A2M: variants seen among roughly 807,000 people sequenced by gnomAD.
A2M encodes the protein C3 and PZP-like alpha-2-macroglobulin domain-containing protein 5.
A neutral mutation model predicts 183.9 loss-of-function variants in A2M; 128 were observed. That is an observed-to-expected ratio of 0.70 (90% CI 0.60 to 0.81). The LOEUF is 0.81. Among genes scored for constraint, A2M ranks in the 30% least tolerant of loss-of-function variants. A2M has a pLI of 0.00. For missense variants in A2M, 1,495 were observed against 1,787.6 expected (o/e 0.84, Z 2.95); for synonymous variants, 592 against 670.8 (o/e 0.88, Z 1.81).
chr12:9,105,298 TAG>T (rs1233187118), intron 10 of A2M, among the ~76,000 whole-genome samples: 1 of 152,230 alleles, frequency 6.6e-6, no homozygotes, highest in Non-Finnish European at 1.5e-5. Context: ...TTCTTCTAGC[TAG>T]AGAGTCTTAT....
rs1329247747 is a variant in A2M at position 9,079,624 on chromosome 12, CA to C, written c.3031+14del. The C allele has an allele frequency of 6.2e-7, 1 of 1,606,532 alleles. No individual in the cohort carries two copies. Among genetic ancestry groups the C allele is most frequent in the Admixed American group, 1.7e-5 (1 of 58,772 alleles). On this transcript the variant is annotated intron_variant, in intron 24 of 35. Transcript: ENST00000318602. The stretch of plus-strand genomic sequence containing the variant: ...AATAACATTCAAGTTTTCCCTTACT[CA>C]AGTAATCACTCACCAGTGTTGAGAT...
chr12:9,110,179 A>G, intron 5 of A2M, 135 bp downstream of exon 5: 2 of 1,106,578 alleles, frequency 1.8e-6, no homozygotes, highest in East Asian at 2.5e-5. Context: ...AGTTATAGCC[A>G]TCTAGCTCTA....
Position 9,111,921 on chromosome 12 carries a change from C to G in A2M, c.483+238G>C, listed in dbSNP as rs752779882. 2.2e-5 allele frequency: 14 copies of G among 640,150 alleles called. No homozygotes were observed. In the African/African-American group the frequency reaches 2.5e-4, roughly 11 times the overall value. 39.7% of individuals were successfully genotyped at this position (640,150 alleles called of 1,614,324 possible). On this transcript the variant is annotated intron_variant, in intron 4 of 35. Coordinates refer to ENST00000318602, the MANE Select transcript of A2M (RefSeq NM_000014.6). Reference sequence around the variant, plus strand: ...CTAATTGTCCTAATTAAGAACCATCCGAAAAGTAAATTTAATTGTGTGACA... The same window carrying G: ...CTAATTGTCCTAATTAAGAACCATCGGAAAAGTAAATTTAATTGTGTGACA...
At chr12:9,116,026 A>G (rs1939095736), upstream of A2M, 9 of 661,366 alleles carry the variant, frequency 1.4e-5, no homozygotes, top group South Asian at 1.2e-4. Flanking sequence ...CATTCTCTGG[A>G]AAGGTCATTG....
intron 23 of A2M, 76 bp downstream of exon 23, chr12:9,080,018 G>T: frequency 9.6e-7 from 1 of 1,040,120 alleles, no homozygotes; most frequent in East Asian, 2.7e-5. Flanking sequence ...ATTATTTTTA[G>T]TAAATATTTA....
rs59647548 is a variant in A2M, at chr12:9,094,340, C to CATATATATAT, written c.2125+623_2125+632dup. ...CAGCTCTCTGGAAAAAAAAATTGTGCATATATATATATATATATATATATA... is the reference window on the plus strand; with the variant it reads ...CAGCTCTCTGGAAAAAAAAATTGTGCATATATATATATATATATATATATATATATATATA... On this transcript the variant is annotated intron_variant, in intron 17 of 35. Coordinates refer to ENST00000318602, the MANE Select transcript of A2M (RefSeq NM_000014.6). Among the ~76,000 whole-genome samples the CATATATATAT allele has an allele frequency of 2.9e-3, 282 of 97,006 alleles. 3 individuals carry two copies. Among genetic ancestry groups the CATATATATAT allele is most frequent in the East Asian group, 9.0e-3 (24 of 2,668 alleles). 63.6% of individuals were successfully genotyped at this position (97,006 alleles called of 152,430 possible).
chr12:9,090,258 A>G (rs1346677942), intron 20 of A2M, 98 bp downstream of exon 20: 147 of 1,564,692 alleles, frequency 9.4e-5, no homozygotes, highest in Non-Finnish European at 1.2e-4. Flanking sequence ...CGCAGCATCT[A>G]GTGGTCTTTT....
At chr12:9,115,569 G>A (rs1177703531) in intron 1 of A2M, 195 bp downstream of exon 1, 3 of 530,138 alleles carry the variant, frequency 5.7e-6, no homozygotes, top group Non-Finnish European at 1.0e-5. Flanking sequence ...TTGCATATTA[G>A]AGCTTCAGAG....
At chr12:9,096,006 G>A (rs1412671156) in intron 15 of A2M, among the ~76,000 whole-genome samples, 2 of 151,578 alleles carry the variant, frequency 1.3e-5, no homozygotes, top group South Asian at 2.1e-4. Flanking sequence ...TGATCCACCC[G>A]CCTCGGCCTC....
chr12:9,070,946 G>A (rs921660851), intron 31 of A2M, among the ~76,000 whole-genome samples: 4 of 151,942 alleles, frequency 2.6e-5, no homozygotes, highest in African/African-American at 7.3e-5. Flanking sequence ...TCAGCCTCCC[G>A]AGTAGCTGGG....
Position 9,090,392 on chromosome 12 carries a change from G to T in A2M, c.2560C>A (p.Gln854Lys). ...APHCICANGR[Q>K]TVSWAVTPKS... ...GGGGTTACTGCCCAGGACACAGTTT[G>T]CCGCCCGTTTGCACAGATGCAGTGA... is the stretch of plus-strand genomic sequence containing the variant. The change falls in exon 20 of 36, where the codon CAA becomes AAA. Residue 854 changes from glutamine (Q) to lysine (K), a missense_variant. By Grantham distance (53) the Gln-to-Lys change is moderately conservative. Transcript: ENST00000318602. The T allele has an allele frequency of 6.2e-7, 1 of 1,613,992 alleles. No homozygotes were observed. The highest frequency in any genetic ancestry group is 8.5e-7 in the Non-Finnish European group (1 of 1,179,884).
chr12:9,085,870 T>C (rs1044794141), intron 22 of A2M, among the ~76,000 whole-genome samples: 2 of 152,074 alleles, frequency 1.3e-5, no homozygotes, highest in African/African-American at 2.4e-5. Flanking sequence ...TGCATAAGTA[T>C]ACACCAATAA....
chr12:9,086,921 T>C lies in A2M; in HGVS notation c.2770+2279A>G, dbSNP rs147143631. Among the ~76,000 whole-genome samples, 1,352 of 152,300 alleles carry C rather than the reference T, an allele frequency of 8.9e-3. 25 individuals are homozygous for C. The highest frequency in any genetic ancestry group is 0.031 in the African/African-American group (1,285 of 41,572). Reference sequence around the variant, plus strand: ...TTCACCAAAGGGCTGCAAGAACTTATAAATGAATGCAATAAAGTTGCAAGA... The same window carrying C: ...TTCACCAAAGGGCTGCAAGAACTTACAAATGAATGCAATAAAGTTGCAAGA... On this transcript the variant is annotated intron_variant, in intron 22 of 35. Transcript: ENST00000318602.
intron 22 of A2M, among the ~76,000 whole-genome samples, chr12:9,081,728 G>A (rs974713400): frequency 6.6e-6 from 1 of 152,182 alleles, no homozygotes; most frequent in Non-Finnish European, 1.5e-5. Flanking sequence ...AGAACCAGGG[G>A]TAGACATCAA....
rs768638522 is a variant in A2M at position 9,068,759 on chromosome 12, G to C, written c.4347C>G (p.Val1449=). The C allele has an allele frequency of 6.2e-7, 1 of 1,606,078 alleles. No individual in the cohort carries two copies. Among genetic ancestry groups the C allele is most frequent in the Non-Finnish European group, 8.5e-7 (1 of 1,175,924 alleles). ...VRDLKPAIVK[V]YDYYETDEFA... ...ACTCACCCGTCTCGTAGTAATCATA[G>C]ACTTTCACTATGGCTGGTTTCAGAT... The change falls in exon 34 of 36, where the codon GTC becomes GTG. Residue 1449 remains valine (V), a synonymous_variant. Transcript: ENST00000318602.
At chr12:9,102,739 C>A (rs1201159076) in intron 11 of A2M, among the ~76,000 whole-genome samples, 1 of 152,092 alleles carries the variant, frequency 6.6e-6, no homozygotes, top group Non-Finnish European at 1.5e-5. Flanking sequence ...ATATGATCAC[C>A]CCAAACAGGG....
chr12:9,105,786 A>G (rs748520077), intron 10 of A2M, among the ~76,000 whole-genome samples: 2 of 152,350 alleles, frequency 1.3e-5, no homozygotes, highest in South Asian at 4.1e-4. Context: ...TTATTGTAGA[A>G]TCTTTAATAC....
intron 22 of A2M, chr12:9,080,547 T>G (rs961382299): frequency 6.3e-6 from 1 of 159,914 alleles, no homozygotes; most frequent in Non-Finnish European, 1.4e-5. Context: ...AACAGTTGTA[T>G]GGAGAAAACA....
chr12:9,111,485 T>TG (rs1472982232), intron 4 of A2M: 1 of 455,716 alleles, frequency 2.2e-6, no homozygotes, highest in Non-Finnish European at 4.4e-6. Context: ...AGGACTAGCT[T>TG]GCAGCAGTAG....
Sources: allele counts gnomAD v4.1 joint callset (sites outside exome capture counted in the v4.1 genomes callset), GRCh38; gene constraint gnomAD v4.1.1; transcripts MANE v1.5; gene names NCBI Gene and HGNC (gene_info 2026-07-23, HGNC 2026-07-21).